The following ANKRD28 variants were observed in gnomAD, a reference collection of about 807,000 sequenced individuals.
ANKRD28 encodes the protein serine/threonine-protein phosphatase 6 regulatory ankyrin repeat subunit A.
Under a neutral mutation model 126.5 loss-of-function variants are expected in ANKRD28, and 44 were observed. The ratio of observed to expected loss-of-function variants is 0.35; its 90% CI spans 0.27 to 0.45. The LOEUF is 0.45. ANKRD28 is among the 20% of genes least tolerant of loss of function. ANKRD28 has a pLI of 1.00. For synonymous variants in ANKRD28, 442 were observed against 468.5 expected (o/e 0.94, Z 0.73); for missense variants, 1,110 against 1,316.6 (o/e 0.84, Z 2.43).
At chr3:15,741,619 C>T (rs2075479508) in intron 4 of ANKRD28, among the ~76,000 whole-genome samples, 2 of 144,280 alleles carry the variant, frequency 1.4e-5, no homozygotes, top group South Asian at 4.4e-4. Context: ...AACAACTGTA[C>T]TCAGAGAGTA....
chr3:15,840,879 G>A (rs1426623573), intron 1 of ANKRD28, among the ~76,000 whole-genome samples: 1 of 152,194 alleles, frequency 6.6e-6, no homozygotes, highest in East Asian at 1.9e-4. Context: ...GGTGGCTCAC[G>A]CCTGTAATCC....
At chr3:15,792,774 T>C (rs1209050297) in intron 2 of ANKRD28, among the ~76,000 whole-genome samples, 2 of 152,200 alleles carry the variant, frequency 1.3e-5, no homozygotes, top group Non-Finnish European at 2.9e-5. Flanking sequence ...CTTCATGATA[T>C]GATTATTTCA....
intron 4 of ANKRD28, among the ~76,000 whole-genome samples, chr3:15,749,259 C>T (rs1009799087): frequency 4.0e-5 from 6 of 150,478 alleles, no homozygotes; most frequent in African/African-American, 7.3e-5. Flanking sequence ...TACAGGCGCC[C>T]GCCACCGCGC....
intron 1 of ANKRD28, among the ~76,000 whole-genome samples, chr3:15,858,992 G>T (rs1283646592): frequency 6.6e-6 from 1 of 152,216 alleles, no homozygotes; most frequent in East Asian, 1.9e-4. Flanking sequence ...GAACAAGGTC[G>T]TGACCCTGGG....
Position 15,787,985 on chromosome 3 carries a change from A to G in ANKRD28, c.201+7238T>C, listed in dbSNP as rs542521505. 5.9e-5 allele frequency among the ~76,000 whole-genome samples: 9 copies of G among 152,310 alleles called. No homozygotes were observed. The East Asian group carries it at 1.7e-3, about 29-fold the overall frequency. On this transcript the variant is annotated intron_variant, in intron 2 of 27. Transcript: ENST00000683139. The stretch of plus-strand genomic sequence containing the variant: ...CAAGGTAACACTTTCAAAAATATTA[A>G]GTTATATGCTACATCTAAGATCTAC...
intron 8 of ANKRD28, among the ~76,000 whole-genome samples, chr3:15,718,125 T>C (rs1296899092): frequency 6.6e-6 from 1 of 152,202 alleles, no homozygotes; most frequent in African/African-American, 2.4e-5. Context: ...AATGAATATA[T>C]ATTCTTGCTG....
intron 1 of ANKRD28, among the ~76,000 whole-genome samples, chr3:15,827,848 G>A (rs1305970848): frequency 6.6e-6 from 1 of 151,858 alleles, no homozygotes; most frequent in African/African-American, 2.4e-5. Context: ...ATCTGACAAG[G>A]GATTAATATC....
At chr3:15,687,314 G>A (rs1458464311) in intron 18 of ANKRD28, among the ~76,000 whole-genome samples, 1 of 151,786 alleles carries the variant, frequency 6.6e-6, no homozygotes, top group Admixed American at 6.6e-5. Context: ...GTTATTTATG[G>A]CTGAAATAAT....
At chr3:15,712,352 A>T in intron 10 of ANKRD28, 130 bp from the exon 11 acceptor site, 1 of 749,970 alleles carries the variant, frequency 1.3e-6, no homozygotes, top group Non-Finnish European at 2.2e-6. Flanking sequence ...TTCGGAGAGT[A>T]ATTTGGTTAA....
rs951318446 is a variant in ANKRD28, at chr3:15,817,063, CAAACAAAA to C, written c.28-21765_28-21758del. 6.6e-5 allele frequency among the ~76,000 whole-genome samples: 10 copies of C among 152,030 alleles called. No individual in the cohort carries two copies. The highest frequency in any genetic ancestry group is 2.4e-4 in the African/African-American group (10 of 41,410). On this transcript the variant is annotated intron_variant, in intron 1 of 27. Coordinates refer to the ANKRD28 transcript ENST00000399451. This position sits in a 1 kb window ranked among gnomAD's most constrained non-coding sequence, Gnocchi z 4.5. ...AACAAAACCAAAACCAAAAGAAACC[CAAACAAAA>C]GCACACATCTGAATACTGTAAAGGC...
rs1006080201 is a variant in ANKRD28, at chr3:15,797,334, A to G, written c.-813T>C. The G allele has an allele frequency of 3.9e-5, 38 of 985,258 alleles. No individual in the cohort carries two copies. Among genetic ancestry groups the G allele is most frequent in the Non-Finnish European group, 4.2e-5 (35 of 829,926 alleles). 61.0% of individuals were successfully genotyped at this position (985,258 alleles called of 1,614,324 possible). On this transcript the variant is annotated 5_prime_UTR_variant, in exon 1 of 28. It removes an upstream start codon present in the reference 5' UTR. Coordinates refer to ENST00000683139, the MANE Select transcript of ANKRD28 (RefSeq NM_001349278.2). ...ACAGCTTGATTAATCCAGGTTTCCC[A>G]TATAATAGAAGAAACACAGTTAGCT...
chr3:15,804,458 A>G (rs377652079), intron 1 of ANKRD28, among the ~76,000 whole-genome samples: 1 of 145,908 alleles, frequency 6.9e-6, no homozygotes. Flanking sequence ...AAAGAAATCA[A>G]TGGTCTGCTA....
chr3:15,775,987 C>T (rs1035252872), intron 2 of ANKRD28, among the ~76,000 whole-genome samples: 1 of 152,116 alleles, frequency 6.6e-6, no homozygotes, highest in Non-Finnish European at 1.5e-5. Context: ...GTGACAAGCC[C>T]TCATCTTTAA....
At chr3:15,709,456 T>C (rs780320905) in intron 13 of ANKRD28, among the ~76,000 whole-genome samples, 16 of 151,972 alleles carry the variant, frequency 1.1e-4, no homozygotes, top group Non-Finnish European at 1.9e-4. Context: ...AAGGCTGTGG[T>C]TGGTAGGCTA....
intron 7 of ANKRD28, among the ~76,000 whole-genome samples, chr3:15,722,066 A>G (rs74536014): frequency 0.1 from 15,977 of 152,188 alleles, 1,066 homozygotes; most frequent in East Asian, 0.2. Context: ...TTTCTAATAA[A>G]TAAGGGAATA....
chr3:15,673,626 C>T (rs1463297516), intron 27 of ANKRD28, among the ~76,000 whole-genome samples: 1 of 152,092 alleles, frequency 6.6e-6, no homozygotes, highest in Middle Eastern at 3.2e-3. Context: ...GGGTATCTAG[C>T]AAGTTGTAGT....
At chr3:15,859,250 G>C (rs1173565366) in intron 1 of ANKRD28, 4 of 1,385,298 alleles carry the variant, frequency 2.9e-6, no homozygotes, top group African/African-American at 1.5e-5. Context: ...CAGGTCCCCG[G>C]GGCAGGACCC....
chr3:15,760,777 T>A (rs1269495689), intron 3 of ANKRD28, among the ~76,000 whole-genome samples: 1 of 152,144 alleles, frequency 6.6e-6, no homozygotes, highest in Non-Finnish European at 1.5e-5. Context: ...AAAAGTAGGA[T>A]AAACATGACT....
chr3:15,756,631 T>A, intron 3 of ANKRD28: 1 of 389,590 alleles, frequency 2.6e-6, no homozygotes, highest in Non-Finnish European at 3.5e-6. Flanking sequence ...CTGTGTGACC[T>A]GGAAGTGTTT....
Sources: allele counts gnomAD v4.1 joint callset (sites outside exome capture counted in the v4.1 genomes callset), GRCh38; gene constraint gnomAD v4.1.1; non-coding constraint Gnocchi (gnomAD v3.1); transcripts MANE v1.5; gene names NCBI Gene and HGNC (gene_info 2026-07-23, HGNC 2026-07-21).